Variants in MAPK4 observed in about 807,000 individuals in gnomAD.
MAPK4 encodes mitogen-activated protein kinase 4.
A neutral mutation model predicts 47.7 loss-of-function variants in MAPK4; 22 were observed. That is an observed-to-expected ratio of 0.46 (90% CI 0.33 to 0.66). The LOEUF is 0.66. Among genes scored for constraint, MAPK4 ranks in the 30% least tolerant of loss-of-function variants. The pLI is 0.02. For synonymous variants in MAPK4, 390 were observed against 365.7 expected (o/e 1.07, Z -0.76); for missense variants, 736 against 831.7 (o/e 0.88, Z 1.42).
chr18:50,581,301 G>A (rs1003465190), intron 1 of MAPK4, among the ~76,000 whole-genome samples: 4 of 152,134 alleles, frequency 2.6e-5, no homozygotes, highest in African/African-American at 9.7e-5. Flanking sequence ...TGTTGGTGAG[G>A]GCCACAGACA....
chr18:50,715,280 G>T, intron 3 of MAPK4, 57 bp downstream of exon 3: 2 of 1,555,428 alleles, frequency 1.3e-6, no homozygotes, highest in South Asian at 1.2e-5. Context: ...ATAGAAAGGG[G>T]AACTGAGTGC....
intron 2 of MAPK4, among the ~76,000 whole-genome samples, chr18:50,681,860 C>T (rs9957856): frequency 0.058 from 8,810 of 152,152 alleles, 565 homozygotes; most frequent in African/African-American, 0.16. Flanking sequence ...AACTTTGTTC[C>T]TTTTCAAGAT....
At chr18:50,656,857 G>A (rs568829818) in intron 1 of MAPK4, among the ~76,000 whole-genome samples, 3 of 152,070 alleles carry the variant, frequency 2.0e-5, no homozygotes, top group African/African-American at 7.2e-5. Context: ...TAGACCAACC[G>A]TGTGCTGAGC....
chr18:50,565,888 A>T (rs2149355930), intron 1 of MAPK4, among the ~76,000 whole-genome samples: 1 of 152,322 alleles, frequency 6.6e-6, no homozygotes, highest in Non-Finnish European at 1.5e-5. Flanking sequence ...TTGACTAATG[A>T]TGCATTTCTT....
intron 2 of MAPK4, among the ~76,000 whole-genome samples, chr18:50,673,418 G>A (rs550634534): frequency 5.8e-4 from 88 of 152,372 alleles, no homozygotes; most frequent in African/African-American, 2.1e-3. Flanking sequence ...GAATTCAACA[G>A]GCAGGAAGTC....
At chr18:50,659,757 A>G (rs1475790063) in intron 1 of MAPK4, among the ~76,000 whole-genome samples, 1 of 152,164 alleles carries the variant, frequency 6.6e-6, no homozygotes, top group Admixed American at 6.5e-5. Flanking sequence ...CTCTTGTGAG[A>G]GTTCCATGCA....
At chr18:50,576,139 T>TGG (rs57519482) in intron 1 of MAPK4, among the ~76,000 whole-genome samples, 1 of 151,946 alleles carries the variant, frequency 6.6e-6, no homozygotes, top group Admixed American at 6.6e-5. Flanking sequence ...CCTTTTTTTT[T>TGG]GGGTATATAC....
chr18:50,576,306 C>T (rs1175471879), intron 1 of MAPK4, among the ~76,000 whole-genome samples: 1 of 152,152 alleles, frequency 6.6e-6, no homozygotes, highest in Admixed American at 6.5e-5. Context: ...ACTATGCAGC[C>T]ATAAGAAGAA....
intron 1 of MAPK4, among the ~76,000 whole-genome samples, chr18:50,593,493 T>C (rs1191278924): frequency 2.0e-5 from 3 of 152,214 alleles, no homozygotes; most frequent in Non-Finnish European, 2.9e-5. Flanking sequence ...ACCCGCAGTC[T>C]TTCTGAGCAG....
At chr18:50,707,155 T>G (rs112795455) in intron 2 of MAPK4, among the ~76,000 whole-genome samples, 1,637 of 152,136 alleles carry the variant, frequency 0.011, 30 homozygotes, top group African/African-American at 0.038. Flanking sequence ...TTCTGTGAGG[T>G]CCCTAGAGCC....
chr18:50,671,287 TAGG>T (rs1053400231), intron 2 of MAPK4, among the ~76,000 whole-genome samples: 54 of 152,172 alleles, frequency 3.5e-4, no homozygotes, highest in African/African-American at 1.2e-3. Context: ...CCTAAACCCA[TAGG>T]AGGACTGTTT....
At chr18:50,688,842 TACTC>T (rs1222150104) in intron 2 of MAPK4, among the ~76,000 whole-genome samples, 1 of 141,240 alleles carries the variant, frequency 7.1e-6, no homozygotes, top group East Asian at 2.1e-4. Flanking sequence ...CTAAAGAACT[TACTC>T]ATATAACCAA....
intron 1 of MAPK4, among the ~76,000 whole-genome samples, chr18:50,653,180 C>A (rs2043069156): frequency 1.3e-5 from 2 of 150,616 alleles, no homozygotes; most frequent in African/African-American, 2.5e-5. Context: ...CAGAGCAAGA[C>A]CTTAGTCTCA....
Position 50,677,335 on chromosome 18 carries a change from A to G in MAPK4, c.546+12831A>G, listed in dbSNP as rs185104237. Among the ~76,000 whole-genome samples, 5 of 152,366 alleles carry G rather than the reference A, an allele frequency of 3.3e-5. No homozygotes were observed. In the East Asian group the frequency reaches 9.6e-4, roughly 29 times the overall value. Reference sequence around the variant, plus strand: ...CTTTCAATAATTCCCAAAAATATGTAAAATGAACATTCATGGTTTTATCAC... The same window carrying G: ...CTTTCAATAATTCCCAAAAATATGTGAAATGAACATTCATGGTTTTATCAC... On this transcript the variant is annotated intron_variant, in intron 2 of 5. Coordinates refer to ENST00000400384, the MANE Select transcript of MAPK4 (RefSeq NM_002747.4).
Position 50,628,239 on chromosome 18 carries a change from C to T in MAPK4, c.-870-34850C>T, listed in dbSNP as rs959241256. Among the ~76,000 whole-genome samples the T allele has an allele frequency of 3.9e-5, 6 of 152,322 alleles. 2 individuals are homozygous for T. The South Asian group carries it at 1.2e-3, about 32-fold the overall frequency. On this transcript the variant is annotated intron_variant, in intron 1 of 5. Coordinates refer to ENST00000400384, the MANE Select transcript of MAPK4 (RefSeq NM_002747.4). ...CTTGAAGCAACCGCCAAAATGTGTA[C>T]AAATCATGAAGTAATTAGAAGTGTG...
intron 2 of MAPK4, among the ~76,000 whole-genome samples, chr18:50,672,567 C>T (rs1598894360): frequency 6.6e-6 from 1 of 152,038 alleles, no homozygotes; most frequent in East Asian, 1.9e-4. Context: ...TCCCTCTGTC[C>T]CTGGGTCTCT....
chr18:50,721,759 G>C (rs1402645709), intron 3 of MAPK4, among the ~76,000 whole-genome samples, 179 bp from the exon 4 acceptor site: 1 of 152,188 alleles, frequency 6.6e-6, no homozygotes, highest in African/African-American at 2.4e-5. Context: ...CCAAGCCCCA[G>C]AGATGTCAGC....
intron 1 of MAPK4, among the ~76,000 whole-genome samples, chr18:50,600,233 T>C (rs1598812206): frequency 2.0e-5 from 3 of 152,340 alleles, no homozygotes; most frequent in African/African-American, 7.2e-5. Context: ...TGTAGAGTTG[T>C]TGGTTGTTTA....
intron 2 of MAPK4, among the ~76,000 whole-genome samples, chr18:50,674,282 T>C (rs1234032472): frequency 6.6e-6 from 1 of 152,216 alleles, no homozygotes; most frequent in Non-Finnish European, 1.5e-5. Flanking sequence ...GAAGGATAAT[T>C]AGAAAATTGA....
Sources: gnomAD v4.1 joint callset for allele counts (sites outside exome capture counted in the v4.1 genomes callset) on GRCh38, gnomAD v4.1.1 for gene constraint, MANE v1.5 for transcripts, NCBI Gene and HGNC (gene_info 2026-07-23, HGNC 2026-07-21) for gene names.